SP140L: variants seen among roughly 807,000 people sequenced by gnomAD.
SP140L encodes SP140 like nuclear body protein, also known as nuclear body protein SP140-like protein.
Under a neutral mutation model 84.3 loss-of-function variants are expected in SP140L, and 64 were observed. That is an observed-to-expected ratio of 0.76 (90% confidence interval 0.62 to 0.94). SP140L has a LOEUF of 0.94. Among genes scored for constraint, SP140L ranks in the 40% least tolerant of loss-of-function variants. The probability of loss-of-function intolerance (pLI) is 0.00; values close to 1 mark genes in which losing one functional copy is unlikely to be tolerated. For missense variants in SP140L, 628 were observed against 692.5 expected, an observed-to-expected ratio of 0.91 and a Z score of 1.05; for synonymous variants, 242 against 236.9, an observed-to-expected ratio of 1.02 and a Z score of -0.20.
intron 10 of SP140L, 67 bp downstream of exon 10, chr2:230,388,700 T>G: frequency 3.1e-6 from 4 of 1,307,572 alleles, no homozygotes; most frequent in Non-Finnish European, 4.2e-6. Context: ...TTATGCTGTA[T>G]TTTCAGTAAT....
chr2:230,383,313 G>A (rs920114785), intron 7 of SP140L, among the ~76,000 whole-genome samples, 197 bp from the exon 8 acceptor site: 30 of 152,126 alleles, frequency 2.0e-4, no homozygotes, highest in African/African-American at 7.0e-4. Context: ...TCTCTCCCAA[G>A]CCCATGGCCC....
intron 2 of SP140L, among the ~76,000 whole-genome samples, chr2:230,349,138 T>C (rs1267111610): frequency 6.6e-6 from 1 of 152,272 alleles, no homozygotes; most frequent in African/African-American, 2.4e-5. Flanking sequence ...GAAAAGACTA[T>C]CTTTTCCTCA....
rs187540993 is a variant in SP140L at position 230,392,195 on chromosome 2, G to A, written c.1073G>A (p.Arg358His). The A allele has an allele frequency of 9.6e-5, 155 of 1,614,064 alleles. No individual in the cohort carries two copies. The highest frequency in any genetic ancestry group is 5.3e-4 in the East Asian group (24 of 44,886). ...TCAAAGAACTGGAGGCTGAGTGTGC[G>A]CTGTGGCGGGTGGCCCCTACGACGG... ...ARSKNWRLSVRCGGWPLRRLM... is the reference protein window; with the variant it reads ...ARSKNWRLSVHCGGWPLRRLM... Residue 358 changes from arginine (R) to histidine (H), a missense_variant, in exon 12 of 19, where the codon CGC (arginine) becomes CAC (histidine). Coordinates refer to ENST00000415673, the MANE Select transcript of SP140L (RefSeq NM_138402.6).
At position 230,371,614 on chromosome 2, in the gene SP140L, A is replaced by G. The variant is rs765073869; in HGVS notation, c.600A>G (p.Ala200=). The G allele has an allele frequency of 1.2e-5, 19 of 1,606,128 alleles. No individual in the cohort carries two copies. The highest frequency in any genetic ancestry group is 1.9e-4 in the Middle Eastern group (1 of 5,382). ...ATTTTCTAGATACTGTGGATATTGC[A>G]AACAACTCTACTTTGGGAAAACCCA... is the stretch of plus-strand genomic sequence containing the variant. ...ACGKMDTVDI[A]NNSTLGKPKR... is the part of the protein sequence containing the mutation. Residue 200 remains alanine (A), a synonymous_variant, in exon 7 of 19, where the codon GCA becomes GCG. Transcript: ENST00000415673.
chr2:230,367,025 G>T (rs1001768592), intron 5 of SP140L, among the ~76,000 whole-genome samples: 1 of 151,992 alleles, frequency 6.6e-6, no homozygotes, highest in Non-Finnish European at 1.5e-5. Context: ...ACCATGCCCA[G>T]CCTGCTTTGT....
At chr2:230,373,996 A>T (rs1336140117) in intron 7 of SP140L, among the ~76,000 whole-genome samples, 1 of 152,176 alleles carries the variant, frequency 6.6e-6, no homozygotes. Context: ...AAGTCACTGT[A>T]GATGTGATGG....
intron 5 of SP140L, 119 bp from the exon 6 acceptor site, chr2:230,370,789 G>A: frequency 1.2e-6 from 1 of 841,848 alleles, no homozygotes; most frequent in Non-Finnish European, 1.9e-6. Flanking sequence ...GCAGCAACCA[G>A]GGTGCAGAAA....
chr2:230,378,894 G>A (rs1333696796), intron 7 of SP140L, among the ~76,000 whole-genome samples: 1 of 152,124 alleles, frequency 6.6e-6, no homozygotes, highest in Admixed American at 6.5e-5. Flanking sequence ...CTCACACAAG[G>A]TTGTATATTT....
At chr2:230,337,522 T>G (rs369670569) in intron 2 of SP140L, among the ~76,000 whole-genome samples, 17,315 of 150,158 alleles carry the variant, frequency 0.12, 1,022 homozygotes, top group Middle Eastern at 0.16. Context: ...GTCAATTTTG[T>G]CTTTTGTTGC....
intron 14 of SP140L, among the ~76,000 whole-genome samples, chr2:230,397,678 T>C (rs1359148070): frequency 6.6e-6 from 1 of 152,182 alleles, no homozygotes; most frequent in African/African-American, 2.4e-5. Flanking sequence ...TAGAATATCA[T>C]GCAATAGCAC....
intron 2 of SP140L, among the ~76,000 whole-genome samples, chr2:230,329,747 T>C (rs915813990): frequency 6.6e-6 from 1 of 152,222 alleles, no homozygotes; most frequent in Non-Finnish European, 1.5e-5. Flanking sequence ...TAAACCTCTT[T>C]CGTTTATAAA....
intron 12 of SP140L, among the ~76,000 whole-genome samples, chr2:230,392,638 G>A (rs1209573166): frequency 6.6e-6 from 1 of 152,194 alleles, no homozygotes; most frequent in East Asian, 1.9e-4. Flanking sequence ...TAGGTAGATG[G>A]GTTGTGTACA....
At chr2:230,367,548 C>T (rs551245205) in intron 5 of SP140L, among the ~76,000 whole-genome samples, 10 of 152,302 alleles carry the variant, frequency 6.6e-5, no homozygotes, top group African/African-American at 2.2e-4. Context: ...CCCACCTCAG[C>T]TTCCCAAAGT....
At chr2:230,365,915 C>CCATGTATT (rs2060854675) in intron 5 of SP140L, among the ~76,000 whole-genome samples, 1 of 151,906 alleles carries the variant, frequency 6.6e-6, no homozygotes, top group African/African-American at 2.4e-5. Flanking sequence ...TGTTTAATTT[C>CCATGTATT]CATGTATTTA....
chr2:230,395,887 G>A (rs2149820393), intron 13 of SP140L, among the ~76,000 whole-genome samples: 1 of 152,334 alleles, frequency 6.6e-6, no homozygotes, highest in East Asian at 1.9e-4. Flanking sequence ...TGGATAGAAG[G>A]GAGAGCAGGA....
intron 14 of SP140L, among the ~76,000 whole-genome samples, chr2:230,399,057 G>A (rs1466837122): frequency 5.3e-5 from 8 of 152,170 alleles, no homozygotes; most frequent in Non-Finnish European, 1.0e-4. Flanking sequence ...CAGGCTGCAC[G>A]TAATATTGAA....
chr2:230,371,028 G>C (rs1366585060), intron 6 of SP140L, 61 bp downstream of exon 6: 1 of 1,477,218 alleles, frequency 6.8e-7, no homozygotes, highest in Non-Finnish European at 9.4e-7. Context: ...ACCCTGGGAA[G>C]AGTGGAGGCA....
intron 10 of SP140L, 51 bp from the exon 11 acceptor site, chr2:230,389,868 G>A: frequency 6.5e-7 from 1 of 1,547,778 alleles, no homozygotes; most frequent in Non-Finnish European, 8.9e-7. Flanking sequence ...AGTGGGAAGG[G>A]GGGATGTGCC....
chr2:230,357,263 G>A (rs2060576650), intron 2 of SP140L, among the ~76,000 whole-genome samples: 1 of 152,068 alleles, frequency 6.6e-6, no homozygotes, highest in Admixed American at 6.6e-5. Flanking sequence ...TCTCAATAAT[G>A]TGGTATTATT....
Sources: gnomAD v4.1 joint callset for allele counts (sites outside exome capture counted in the v4.1 genomes callset) on GRCh38, gnomAD v4.1.1 for gene constraint, MANE v1.5 for transcripts, NCBI Gene and HGNC (gene_info 2026-07-23, HGNC 2026-07-21) for gene names.